Variants in DPF1 observed in about 807,000 individuals in gnomAD.
DPF1 encodes zinc finger protein neuro-d4.
Under a neutral mutation model 58.7 loss-of-function variants are expected in DPF1, and 14 were observed. That is an observed-to-expected ratio of 0.24 (90% CI 0.16 to 0.37). The LOEUF (loss-of-function observed/expected upper bound fraction) is 0.37, where lower values mean the gene tolerates loss of function less well. Ranked by LOEUF, DPF1 falls within the 10% of genes least tolerant of loss-of-function variation. The pLI is 1.00. For synonymous variants in DPF1, 216 were observed against 216.0 expected, an observed-to-expected ratio of 1.00 and a Z score of 0.00; for missense variants, 345 against 529.9, an observed-to-expected ratio of 0.65 and a Z score of 3.43.
rs572481027 is a variant in DPF1, at chr19:38,222,209, T to C, written c.298+148A>G. 1 of 668,758 alleles carries C rather than the reference T, an allele frequency of 1.5e-6. No individual in the cohort carries two copies. Among genetic ancestry groups the C allele is most frequent in the Non-Finnish European group, 2.4e-6 (1 of 409,826 alleles). 41.4% of individuals were successfully genotyped at this position (668,758 alleles called of 1,614,324 possible). ...AGTGACTCAGAGAAACTGTGGAATC[T>C]CTGGGAAACACCCGGGACGCACATG... On this transcript the variant is annotated intron_variant, in intron 3 of 11. Transcript: ENST00000355526. The surrounding 1 kb of genome is among the most constrained non-coding windows in gnomAD (Gnocchi z 4.9).
chr19:38,217,565 G>GCCGGTTCTTATACC lies in DPF1; in HGVS notation c.608_621dup (p.Pro208GlyfsTer107). The GCCGGTTCTTATACC allele has an allele frequency of 6.4e-7, 1 of 1,551,370 alleles. No homozygotes were observed. Among genetic ancestry groups the GCCGGTTCTTATACC allele is most frequent in the African/African-American group, 1.4e-5 (1 of 73,162 alleles). On this transcript the variant is annotated frameshift_variant, in exon 7 of 12. Coordinates refer to ENST00000355526, the MANE Select transcript of DPF1 (RefSeq NM_001135155.3). LOFTEE classifies it high-confidence loss of function. ...TGGGTGTAGTGGTAGCTGAGCCCCGGCCGGTTCTTATACCGTTTCCCACAG... is the reference window on the plus strand; with the variant it reads ...TGGGTGTAGTGGTAGCTGAGCCCCGGCCGGTTCTTATACCCCGGTTCTTATACCGTTTCCCACAG...
chr19:38,222,275 A>G lies in DPF1; in HGVS notation c.298+82T>C. On this transcript the variant is annotated intron_variant, in intron 3 of 11. Coordinates refer to ENST00000355526, the MANE Select transcript of DPF1 (RefSeq NM_001135155.3). This position sits in a 1 kb window ranked among gnomAD's most constrained non-coding sequence, Gnocchi z 4.9. The stretch of plus-strand genomic sequence containing the variant: ...AGCCAGCCAGGCAGACACTTGCTAG[A>G]AGGCGATAAAGGTGATGGACGAGTG... 8.3e-7 allele frequency: 1 copy of G among 1,210,592 alleles called. No individual in the cohort carries two copies. The highest frequency in any genetic ancestry group is 1.2e-6 in the Non-Finnish European group (1 of 858,284). The allele number at this position is 1,210,592 out of a possible 1,614,324, so 75.0% of individuals were successfully genotyped here. A position where few individuals can be genotyped will look rare whatever the true frequency, so the allele number is the denominator to read the frequency against.
At chr19:38,212,834 T>C (rs1474541943) in intron 10 of DPF1, among the ~76,000 whole-genome samples, 1 of 146,540 alleles carries the variant, frequency 6.8e-6, no homozygotes, top group Non-Finnish European at 1.5e-5. Flanking sequence ...CAGGCTGGTC[T>C]GGTCTAGAAC....
In DPF1 at chr19:38,213,763, G is replaced by A. The variant is rs377395608; in HGVS notation, c.899-7C>T. On this transcript the variant is annotated splice_region_variant and splice_polypyrimidine_tract_variant and intron_variant, in intron 9 of 11. Coordinates refer to ENST00000355526, the MANE Select transcript of DPF1 (RefSeq NM_001135155.3). ...TGTAAACACGAGGGGTGTCCTGGGG[G>A]CCAAGGGGCAGGGGTGCAGTTAGGA... is the stretch of plus-strand genomic sequence containing the variant. 6.2e-7 allele frequency: 1 copy of A among 1,612,340 alleles called. No homozygotes were observed. Among genetic ancestry groups the A allele is most frequent in the Non-Finnish European group, 8.5e-7 (1 of 1,178,760 alleles).
Position 38,224,046 on chromosome 19 carries a change from G to A in DPF1, c.29+68C>T. 7.0e-7 allele frequency: 1 copy of A among 1,429,230 alleles called. No homozygotes were observed. The highest frequency in any genetic ancestry group is 1.6e-5 in the South Asian group (1 of 63,114). The allele number at this position is 1,429,230 out of a possible 1,614,324, so 88.5% of individuals were successfully genotyped here. On this transcript the variant is annotated intron_variant, in intron 1 of 11. Coordinates refer to ENST00000355526, the MANE Select transcript of DPF1 (RefSeq NM_001135155.3). This position sits in a 1 kb window ranked among gnomAD's most constrained non-coding sequence, Gnocchi z 4.5. ...CACCCCTTCGGCCCCACCCCCGGTC[G>A]CCACACACACACAGGCCCGCGTAGA...
rs1399781245 is a variant in DPF1, at chr19:38,229,364, ACCCTGGAGGGGCTCCCGCC to A, written c.-132+176_-132+194del. On this transcript the variant is annotated intron_variant, in intron 1 of 11. Coordinates refer to the DPF1 transcript ENST00000412732. The surrounding 1 kb of genome is among the most constrained non-coding windows in gnomAD (Gnocchi z 5.3). ...GCGACAAAGAAGAGGCGCCCCCGCGACCCTGGAGGGGCTCCCGCCCCCAACCCCAGGGGGCGACAGGGGG... is the reference window on the plus strand; with the variant it reads ...GCGACAAAGAAGAGGCGCCCCCGCGACCCAACCCCAGGGGGCGACAGGGGG... 6.6e-6 allele frequency among the ~76,000 whole-genome samples: 1 copy of A among 151,588 alleles called. No homozygotes were observed. Among genetic ancestry groups the A allele is most frequent in the Non-Finnish European group, 1.5e-5 (1 of 67,838 alleles).
chr19:38,217,418 TC>T, intron 7 of DPF1, 41 bp downstream of exon 7: 1 of 410,190 alleles, frequency 2.4e-6, no homozygotes, highest in Non-Finnish European at 3.3e-6. Flanking sequence ...TCTTCCCCAC[TC>T]CCAGGGCCCC....
chr19:38,212,263 C>T lies in DPF1; in HGVS notation c.1093+17G>A, dbSNP rs1973499673. 2 of 1,072,238 alleles carry T rather than the reference C, an allele frequency of 1.9e-6. No homozygotes were observed. The highest frequency in any genetic ancestry group is 4.5e-5 in the African/African-American group (2 of 43,980). The allele number at this position is 1,072,238 out of a possible 1,614,324, so 66.4% of individuals were successfully genotyped here. On this transcript the variant is annotated intron_variant, in intron 11 of 11. Transcript: ENST00000355526. ...TCCCACCCACCCGCCCCATGGGATGCCCACCTCTCCTCTCACCTTCCGGGG... is the reference window on the plus strand; with the variant it reads ...TCCCACCCACCCGCCCCATGGGATGTCCACCTCTCCTCTCACCTTCCGGGG...
chr19:38,213,945 G>C, intron 9 of DPF1, 189 bp from the exon 10 acceptor site: 1 of 578,136 alleles, frequency 1.7e-6, no homozygotes, highest in Non-Finnish European at 3.1e-6. Flanking sequence ...GGCCACCACA[G>C]TCTCCTACCA....
At position 38,211,639 on chromosome 19, in the gene DPF1, C is replaced by A. The variant is rs1973421974; in HGVS notation, c.*424G>T. Reference sequence around the variant, plus strand: ...GGTGCCCGGTGGACACTCTCAGCAGCGCCCCTCCACCCAGCCAGGCCTTGG... The same window carrying A: ...GGTGCCCGGTGGACACTCTCAGCAGAGCCCCTCCACCCAGCCAGGCCTTGG... On this transcript the variant is annotated 3_prime_UTR_variant, in exon 12 of 12. Transcript: ENST00000355526. The surrounding 1 kb of genome is among the most constrained non-coding windows in gnomAD (Gnocchi z 4.0). 1 of 153,062 alleles carries A rather than the reference C, an allele frequency of 6.5e-6. No individual in the cohort carries two copies. The highest frequency in any genetic ancestry group is 1.4e-5 in the Non-Finnish European group (1 of 69,050). The allele number at this position is 153,062 out of a possible 1,614,324, so 9.5% of individuals were successfully genotyped here.
At chr19:38,216,488 C>T in intron 7 of DPF1, 85 bp from the exon 8 acceptor site, 1 of 1,457,682 alleles carries the variant, frequency 6.9e-7, no homozygotes, top group East Asian at 2.4e-5. Context: ...GGATGGACCT[C>T]TTAGTCCAGG....
At chr19:38,223,013 A>C in intron 1 of DPF1, 2 of 378,168 alleles carry the variant, frequency 5.3e-6, no homozygotes, top group Non-Finnish European at 9.5e-6. Context: ...CACAAATCAC[A>C]CACAGTCACA....
chr19:38,228,757 T>G, upstream of DPF1: 1 of 149,610 alleles, frequency 6.7e-6, no homozygotes, highest in Non-Finnish European at 1.5e-5. Context: ...GAGGAGAGGG[T>G]CAGGAGGGGC....
At chr19:38,223,963 C>T (rs1967685357) in intron 1 of DPF1, 151 bp downstream of exon 1, 2 of 1,058,826 alleles carry the variant, frequency 1.9e-6, no homozygotes, top group South Asian at 6.4e-5. Flanking sequence ...GTCAGAGACC[C>T]ACAGTCACAC....
chr19:38,224,026 C>T lies in DPF1; in HGVS notation c.29+88G>A, dbSNP rs1967692444. 4 of 1,405,438 alleles carry T rather than the reference C, an allele frequency of 2.8e-6. No individual in the cohort carries two copies. The highest frequency in any genetic ancestry group is 3.7e-6 in the Non-Finnish European group (4 of 1,084,646). The allele number at this position is 1,405,438 out of a possible 1,614,324, so 87.1% of individuals were successfully genotyped here. On this transcript the variant is annotated intron_variant, in intron 1 of 11. Transcript: ENST00000355526. This position sits in a 1 kb window ranked among gnomAD's most constrained non-coding sequence, Gnocchi z 4.5. ...CTCGGTGACAGCCCCCCAGACACCC[C>T]TTCGGCCCCACCCCCGGTCGCCACA...
chr19:38,219,228 G>A (rs79433689), intron 3 of DPF1, 170 bp from the exon 4 acceptor site: 41 of 849,248 alleles, frequency 4.8e-5, no homozygotes, highest in African/African-American at 2.0e-4. Context: ...ACCCAGTCAC[G>A]CCCTCAGATG....
intron 7 of DPF1, among the ~76,000 whole-genome samples, chr19:38,216,685 C>T (rs920377946): frequency 2.0e-5 from 3 of 152,230 alleles, no homozygotes; most frequent in Non-Finnish European, 4.4e-5. Flanking sequence ...ACCTCGGCCA[C>T]TGCCACAAAG....
intron 3 of DPF1, among the ~76,000 whole-genome samples, chr19:38,220,112 C>T (rs984185878): frequency 2.0e-5 from 3 of 148,500 alleles, no homozygotes; most frequent in Non-Finnish European, 3.0e-5. Flanking sequence ...CACTTGAACC[C>T]GGGATGCGGA....
chr19:38,215,139 AT>A (rs1310669488), intron 9 of DPF1, among the ~76,000 whole-genome samples: 20 of 144,318 alleles, frequency 1.4e-4, no homozygotes, highest in Non-Finnish European at 9.2e-5. Flanking sequence ...AGCCTGGCCT[AT>A]TTTTTTTTTA....
Sources: gnomAD v4.1 joint callset for allele counts (sites outside exome capture counted in the v4.1 genomes callset) on GRCh38, gnomAD v4.1.1 for gene constraint, Gnocchi (gnomAD v3.1) non-coding constraint, MANE v1.5 for transcripts, NCBI Gene and HGNC (gene_info 2026-07-23, HGNC 2026-07-21) for gene names.